CDK18: variants seen among roughly 807,000 people sequenced by gnomAD.
CDK18 encodes the protein cyclin dependent kinase 18.
A neutral mutation model predicts 62.0 loss-of-function variants in CDK18; 52 were observed. The ratio of observed to expected loss-of-function variants is 0.84; its 90% CI spans 0.67 to 1.06. CDK18 has a LOEUF of 1.06. Among genes scored for constraint, CDK18 ranks in the 50% least tolerant of loss-of-function variants. CDK18 has a pLI of 0.00. For missense variants in CDK18, 604 were observed against 619.9 expected (o/e 0.97, Z 0.27); for synonymous variants, 237 against 247.0 (o/e 0.96, Z 0.38).
At chr1:205,520,988 G>T (rs76137090) in intron 1 of CDK18, among the ~76,000 whole-genome samples, 3,145 of 152,288 alleles carry the variant, frequency 0.021, 54 homozygotes, top group Middle Eastern at 0.085. Context: ...CCACGGAGGA[G>T]CGGCTGAAGA....
chr1:205,526,215 C>T (rs1325758820), intron 6 of CDK18, 36 bp downstream of exon 6: 3 of 1,579,754 alleles, frequency 1.9e-6, no homozygotes, highest in Admixed American at 3.4e-5. Context: ...CCCCTGGGGG[C>T]TTCAGGAGGA....
chr1:205,523,409 TG>T, intron 2 of CDK18, 73 bp from the exon 3 acceptor site: 1 of 1,587,724 alleles, frequency 6.3e-7, no homozygotes, highest in Non-Finnish European at 8.6e-7. Context: ...AGCACAGCGC[TG>T]GGGGAGGGGG....
In CDK18 at chr1:205,516,964, C is replaced by G. The variant is rs1414914085; in HGVS notation, c.-21-6183C>G. On this transcript the variant is annotated intron_variant, in intron 1 of 15. Coordinates refer to ENST00000429964, the MANE Select transcript of CDK18 (RefSeq NM_212502.3). This position sits in a 1 kb window ranked among gnomAD's most constrained non-coding sequence, Gnocchi z 4.8. ...TACAGCATCCCAGATTCCTGGGATG[C>G]TCTGTCAACCTCCTTCTCCACCTCC... 2 of 152,294 alleles carry G rather than the reference C, an allele frequency of 1.3e-5. No individual in the cohort carries two copies. Among genetic ancestry groups the G allele is most frequent in the African/African-American group, 4.8e-5 (2 of 41,436 alleles). 9.4% of individuals were successfully genotyped at this position (152,294 alleles called of 1,614,324 possible). A position where few individuals can be genotyped will look rare whatever the true frequency, so the allele number is the denominator to read the frequency against.
At chr1:205,525,032 T>C (rs1668351206) in intron 4 of CDK18, 107 bp from the exon 5 acceptor site, 2 of 639,296 alleles carry the variant, frequency 3.1e-6, no homozygotes, top group East Asian at 2.6e-5. Flanking sequence ...CCTTCCACCA[T>C]GGAGTCTCAT....
chr1:205,518,363 G>T (rs867281069), intron 1 of CDK18, among the ~76,000 whole-genome samples: 5 of 152,232 alleles, frequency 3.3e-5, no homozygotes, highest in Admixed American at 6.5e-5. Context: ...CATGCAGCAG[G>T]TGTTCAATAA....
At chr1:205,523,380 C>A in intron 2 of CDK18, 83 bp downstream of exon 2, 2 of 1,603,318 alleles carry the variant, frequency 1.2e-6, no homozygotes, top group South Asian at 2.2e-5. Flanking sequence ...CACCCCCTCC[C>A]CACTGGCCTT....
intron 1 of CDK18, among the ~76,000 whole-genome samples, chr1:205,510,190 T>A (rs1430219756): frequency 1.3e-5 from 2 of 152,158 alleles, no homozygotes; most frequent in Non-Finnish European, 2.9e-5. Flanking sequence ...CACACCTTGC[T>A]TCCCTAAAGA....
chr1:205,507,254 G>A (rs764574077), intron 1 of CDK18, among the ~76,000 whole-genome samples: 1 of 152,162 alleles, frequency 6.6e-6, no homozygotes, highest in Non-Finnish European at 1.5e-5. Flanking sequence ...GTAGCTATGT[G>A]ACCTTCCCCT....
chr1:205,515,316 A>G (rs1280449243), intron 1 of CDK18, among the ~76,000 whole-genome samples: 1 of 151,488 alleles, frequency 6.6e-6, no homozygotes, highest in Non-Finnish European at 1.5e-5. Context: ...AGCTGAGATT[A>G]CAGGCGTGTG....
chr1:205,513,012 T>C (rs1667640903), intron 1 of CDK18, among the ~76,000 whole-genome samples: 2 of 152,248 alleles, frequency 1.3e-5, no homozygotes, highest in Middle Eastern at 3.4e-3. Flanking sequence ...GAGAGAGGGC[T>C]ATTGGGTGGG....
intron 11 of CDK18, 92 bp from the exon 12 acceptor site, chr1:205,529,232 C>A (rs1041436727): frequency 1.2e-5 from 17 of 1,390,242 alleles, no homozygotes; most frequent in African/African-American, 4.3e-5. Flanking sequence ...CCTCGGCCAT[C>A]TTTGCTCCCA....
intron 1 of CDK18, among the ~76,000 whole-genome samples, chr1:205,512,179 T>C (rs1467719561): frequency 6.6e-6 from 1 of 152,118 alleles, no homozygotes; most frequent in Non-Finnish European, 1.5e-5. Flanking sequence ...TCTGGAGTCA[T>C]CAGCACGCGG....
intron 1 of CDK18, among the ~76,000 whole-genome samples, chr1:205,518,825 C>T (rs1223863600): frequency 6.6e-6 from 1 of 152,196 alleles, no homozygotes; most frequent in Non-Finnish European, 1.5e-5. Context: ...ATGGCTCTGG[C>T]ACCAGCAGGA....
At chr1:205,519,921 A>T (rs1437789891) in intron 1 of CDK18, among the ~76,000 whole-genome samples, 1 of 152,144 alleles carries the variant, frequency 6.6e-6, no homozygotes, top group Non-Finnish European at 1.5e-5. Context: ...CATCCCATAA[A>T]TCCCAGACTG....
In CDK18 at chr1:205,526,034, C is replaced by T. The variant is rs74141243; in HGVS notation, c.457-31C>T. The T allele has an allele frequency of 9.2e-3, 14,041 of 1,533,510 alleles. 948 individuals are homozygous for T. In the African/African-American group the frequency reaches 0.16, roughly 17 times the overall value. 95.0% of individuals were successfully genotyped at this position (1,533,510 alleles called of 1,614,324 possible). ...GACAGAGGCCAGCAGCACCTGAATG[C>T]GCCTGGGGCCGCTGTGGCCCTCCAT... On this transcript the variant is annotated intron_variant, in intron 5 of 15. Coordinates refer to ENST00000429964, the MANE Select transcript of CDK18 (RefSeq NM_212502.3).
At chr1:205,525,985 A>G (rs1668401921) in intron 5 of CDK18, 80 bp from the exon 6 acceptor site, 1 of 972,068 alleles carries the variant, frequency 1.0e-6, no homozygotes, top group Non-Finnish European at 1.6e-6. Context: ...TAGCCCAGGC[A>G]GAGGCACAAA....
chr1:205,528,066 C>T lies in CDK18; in HGVS notation c.872C>T (p.Ser291Leu). Residue 291 changes from serine (S) to leucine (L), a missense_variant, in exon 10 of 16, where the codon TCA (serine) becomes TTA (leucine). By Grantham distance (145) the Ser-to-Leu change is moderately radical (BLOSUM62 -2). Transcript: ENST00000429964. This position sits in a 1 kb window ranked among gnomAD's most constrained non-coding sequence, Gnocchi z 4.2. The stretch of plus-strand genomic sequence containing the variant: ...CCCCCAGGACTGGCCAGGGCCAAGT[C>T]AGTGCCCACAAAGACTTACTCCAAT... The part of the protein sequence containing the change: ...LADFGLARAK[S>L]VPTKTYSNEV... 6.2e-7 allele frequency: 1 copy of T among 1,614,152 alleles called. No homozygotes were observed. The highest frequency in any genetic ancestry group is 1.3e-5 in the African/African-American group (1 of 75,040).
At chr1:205,519,871 G>A (rs12404390) in intron 1 of CDK18, among the ~76,000 whole-genome samples, 33,356 of 152,006 alleles carry the variant, frequency 0.22, 3,776 homozygotes, top group South Asian at 0.32. Flanking sequence ...GAGATTTATG[G>A]TTGCTACTTG....
intron 13 of CDK18, chr1:205,529,997 G>C (rs1668657572): frequency 1.4e-6 from 2 of 1,400,514 alleles, no homozygotes; most frequent in South Asian, 1.5e-5. Flanking sequence ...GTTTGCATCT[G>C]TATTTCTATC....
Sources: allele counts gnomAD v4.1 joint callset (sites outside exome capture counted in the v4.1 genomes callset), GRCh38; gene constraint gnomAD v4.1.1; non-coding constraint Gnocchi (gnomAD v3.1); transcripts MANE v1.5; gene names NCBI Gene and HGNC (gene_info 2026-07-23, HGNC 2026-07-21).